Variants in C8orf34 observed in about 807,000 individuals in gnomAD.
C8orf34 encodes the protein uncharacterized protein C8orf34.
C8orf34 carries 65 observed loss-of-function variants against 68.3 expected under a neutral mutation model. The observed-to-expected ratio is 0.95, with a 90% CI of 0.78 to 1.17. The LOEUF (loss-of-function observed/expected upper bound fraction) is 1.17. Ranked by LOEUF, C8orf34 falls within the 50% of genes most tolerant of loss-of-function variation. The pLI is 0.00. For missense variants in C8orf34, 664 were observed against 655.4 expected (o/e 1.01, Z -0.14); for synonymous variants, 244 against 241.2 (o/e 1.01, Z -0.11).
chr8:68,746,225 C>T (rs1191600518), intron 10 of C8orf34, among the ~76,000 whole-genome samples: 1 of 151,680 alleles, frequency 6.6e-6, no homozygotes, highest in Non-Finnish European at 1.5e-5. Context: ...CTCTCGGACA[C>T]ATTCAAAGCA....
chr8:68,598,933 T>A (rs560736021), intron 7 of C8orf34, among the ~76,000 whole-genome samples: 1 of 152,142 alleles, frequency 6.6e-6, no homozygotes, highest in Admixed American at 6.5e-5. Context: ...TGTTTTGTAT[T>A]GTCAACATTG....
chr8:68,612,234 C>G (rs894046454), intron 7 of C8orf34, among the ~76,000 whole-genome samples: 2 of 152,138 alleles, frequency 1.3e-5, no homozygotes, highest in African/African-American at 4.8e-5. Context: ...CCAGACACTA[C>G]TTCACACCTC....
At chr8:68,618,345 G>A (rs1818288860) in intron 7 of C8orf34, among the ~76,000 whole-genome samples, 1 of 151,938 alleles carries the variant, frequency 6.6e-6, no homozygotes, top group African/African-American at 2.4e-5. Context: ...TTTTGCCAAA[G>A]GTTGAACATC....
rs1171251826 is a variant in C8orf34 at position 68,719,022 on chromosome 8, AG to A, written c.1328-2338del. 4.3e-4 allele frequency among the ~76,000 whole-genome samples: 66 copies of A among 152,156 alleles called. 4 individuals carry two copies. Among genetic ancestry groups the A allele is most frequent in the Non-Finnish European group, 1.5e-5 (1 of 68,004 alleles). ...CTTACATTTGAAAATCATATATAAA[AG>A]AAATTGCTCTGGAATAGACAGAGCA... On this transcript the variant is annotated intron_variant, in intron 9 of 13. Transcript: ENST00000518698.
At chr8:68,638,622 C>T (rs968052210) in intron 7 of C8orf34, among the ~76,000 whole-genome samples, 1 of 151,958 alleles carries the variant, frequency 6.6e-6, no homozygotes, top group Non-Finnish European at 1.5e-5. Flanking sequence ...GTTTTCAGAG[C>T]ACGCCAAAGT....
intron 12 of C8orf34, among the ~76,000 whole-genome samples, chr8:68,801,620 G>A (rs1375255701): frequency 6.6e-6 from 1 of 152,116 alleles, no homozygotes; most frequent in Non-Finnish European, 1.5e-5. Context: ...AATCCTTCCT[G>A]CTAACCAGCA....
intron 13 of C8orf34, among the ~76,000 whole-genome samples, chr8:68,817,998 G>A (rs999706023): frequency 3.3e-5 from 5 of 152,012 alleles, no homozygotes; most frequent in Admixed American, 6.6e-5. Flanking sequence ...AACGAGATTC[G>A]GGTGAGGACA....
intron 9 of C8orf34, among the ~76,000 whole-genome samples, chr8:68,715,531 A>C (rs1289172921): frequency 2.6e-5 from 4 of 152,128 alleles, no homozygotes; most frequent in Non-Finnish European, 5.9e-5. Flanking sequence ...AATGCTCAAC[A>C]TCACTAATGA....
intron 8 of C8orf34, among the ~76,000 whole-genome samples, chr8:68,645,695 G>A (rs529746798): frequency 3.9e-5 from 6 of 152,168 alleles, no homozygotes; most frequent in South Asian, 4.2e-4. Flanking sequence ...ATTATCAACC[G>A]TCTTGATATA....
chr8:68,764,686 A>G (rs904107088), intron 10 of C8orf34, among the ~76,000 whole-genome samples: 1 of 152,148 alleles, frequency 6.6e-6, no homozygotes, highest in Non-Finnish European at 1.5e-5. Flanking sequence ...GAGACAGAAG[A>G]GACACTGCCT....
chr8:68,767,146 A>G (rs546194363), intron 10 of C8orf34, among the ~76,000 whole-genome samples: 1 of 152,232 alleles, frequency 6.6e-6, no homozygotes, highest in South Asian at 2.1e-4. Context: ...GTGAGATGAG[A>G]TCTCACGCCA....
chr8:68,526,466 AT>A (rs1227620707), intron 6 of C8orf34, among the ~76,000 whole-genome samples: 1 of 152,188 alleles, frequency 6.6e-6, no homozygotes, highest in Admixed American at 6.5e-5. Flanking sequence ...GAGGAGAATG[AT>A]TTTTAAAAAT....
intron 8 of C8orf34, among the ~76,000 whole-genome samples, chr8:68,700,496 T>C (rs898724143): frequency 2.0e-5 from 3 of 152,108 alleles, no homozygotes; most frequent in African/African-American, 7.2e-5. Context: ...TGACTTTTTT[T>C]CTGGGGTAAA....
At chr8:68,718,082 C>A (rs1821529050) in intron 9 of C8orf34, among the ~76,000 whole-genome samples, 1 of 152,144 alleles carries the variant, frequency 6.6e-6, no homozygotes, top group South Asian at 2.1e-4. Flanking sequence ...CCCTTCTCTG[C>A]CTATTTAGAT....
intron 1 of C8orf34, among the ~76,000 whole-genome samples, chr8:68,335,399 G>C (rs1354556426): frequency 6.6e-6 from 1 of 151,984 alleles, no homozygotes; most frequent in Non-Finnish European, 1.5e-5. Flanking sequence ...ATATTTTTTG[G>C]AGTAATGATT....
At chr8:68,369,905 C>T (rs1448627920) in intron 1 of C8orf34, among the ~76,000 whole-genome samples, 4 of 152,198 alleles carry the variant, frequency 2.6e-5, no homozygotes, top group African/African-American at 9.6e-5. Flanking sequence ...CTGAGCTGTA[C>T]TGCCTGCAGA....
At chr8:68,799,193 A>G (rs888571299) in intron 12 of C8orf34, among the ~76,000 whole-genome samples, 1 of 152,216 alleles carries the variant, frequency 6.6e-6, no homozygotes, top group African/African-American at 2.4e-5. Flanking sequence ...AAGGAGCGGC[A>G]CATGTTTTTA....
At chr8:68,444,855 T>A (rs1446171796) in intron 2 of C8orf34, among the ~76,000 whole-genome samples, 1 of 152,194 alleles carries the variant, frequency 6.6e-6, no homozygotes, top group Non-Finnish European at 1.5e-5. Flanking sequence ...TTCCTTTATA[T>A]AAAGAGATGC....
intron 1 of C8orf34, among the ~76,000 whole-genome samples, chr8:68,369,461 T>C (rs1807462352): frequency 6.6e-6 from 1 of 152,248 alleles, no homozygotes; most frequent in Non-Finnish European, 1.5e-5. Context: ...TTGCCTCTTC[T>C]TTCTTTTTAG....
Sources: gnomAD v4.1 joint callset for allele counts (sites outside exome capture counted in the v4.1 genomes callset) on GRCh38, gnomAD v4.1.1 for gene constraint, MANE v1.5 for transcripts, NCBI Gene and HGNC (gene_info 2026-07-23, HGNC 2026-07-21) for gene names.